RIC8B: variants seen among roughly 807,000 people sequenced by gnomAD.
RIC8B encodes the protein RIC8 guanine nucleotide exchange factor B, also known as chaperone Ric-8B.
Under a neutral mutation model 57.5 loss-of-function variants are expected in RIC8B, and 16 were observed. The ratio of observed to expected loss-of-function variants is 0.28; its 90% CI spans 0.19 to 0.42. The LOEUF (loss-of-function observed/expected upper bound fraction) is 0.42, where lower values mean the gene tolerates loss of function less well. RIC8B is among the 10% of genes least tolerant of loss of function. RIC8B has a pLI of 1.00. For synonymous variants in RIC8B, 216 were observed against 250.8 expected (o/e 0.86, Z 1.31); for missense variants, 481 against 677.0 (o/e 0.71, Z 3.21).
intron 2 of RIC8B, among the ~76,000 whole-genome samples, chr12:106,788,395 C>A (rs890140869): frequency 6.6e-6 from 1 of 152,154 alleles, no homozygotes; most frequent in Non-Finnish European, 1.5e-5. Flanking sequence ...TGGCCCTCTT[C>A]TCACAGCTCT....
At chr12:106,860,434 C>T in intron 8 of RIC8B, 22 bp downstream of exon 8, 1 of 1,507,008 alleles carries the variant, frequency 6.6e-7, no homozygotes, top group South Asian at 1.3e-5. Flanking sequence ...AATTTCTTTT[C>T]ACCTAACTAT....
intron 8 of RIC8B, among the ~76,000 whole-genome samples, chr12:106,868,723 AAG>A (rs1320009758): frequency 6.6e-6 from 1 of 150,638 alleles, no homozygotes; most frequent in Non-Finnish European, 1.5e-5. Context: ...CACCTGATAA[AAG>A]AGGAAATAGC....
chr12:106,813,403 G>C (rs2045428234), intron 2 of RIC8B, among the ~76,000 whole-genome samples: 1 of 152,004 alleles, frequency 6.6e-6, no homozygotes, highest in Non-Finnish European at 1.5e-5. Context: ...CGTTAGCCAG[G>C]ATGGTCTTGA....
At chr12:106,837,106 G>A (rs1455361908) in intron 4 of RIC8B, among the ~76,000 whole-genome samples, 3 of 152,246 alleles carry the variant, frequency 2.0e-5, no homozygotes, top group African/African-American at 7.2e-5. Flanking sequence ...GCGCACACCT[G>A]TAATCCCAGC....
intron 4 of RIC8B, among the ~76,000 whole-genome samples, chr12:106,834,466 G>C (rs1593250906): frequency 6.6e-6 from 1 of 152,114 alleles, no homozygotes; most frequent in South Asian, 2.1e-4. Flanking sequence ...GCAAATGAGT[G>C]ACCAGGAAGG....
intron 3 of RIC8B, among the ~76,000 whole-genome samples, chr12:106,822,057 G>A (rs1438426241): frequency 5.5e-5 from 6 of 109,754 alleles, no homozygotes; most frequent in African/African-American, 1.1e-4. Flanking sequence ...CAGCCTGGGC[G>A]ACAGACCGAG....
chr12:106,779,578 A>G (rs922631233), intron 1 of RIC8B, among the ~76,000 whole-genome samples: 2 of 151,798 alleles, frequency 1.3e-5, no homozygotes, highest in African/African-American at 4.8e-5. Flanking sequence ...ACGTAATACA[A>G]TGTGAATGGT....
intron 3 of RIC8B, among the ~76,000 whole-genome samples, chr12:106,818,911 C>T (rs1392441092): frequency 1.3e-5 from 2 of 152,082 alleles, no homozygotes; most frequent in Non-Finnish European, 2.9e-5. Flanking sequence ...AGATTACAGG[C>T]ATGTGCCACC....
At chr12:106,882,315 G>A (rs1387278405) in intron 9 of RIC8B, among the ~76,000 whole-genome samples, 1 of 152,148 alleles carries the variant, frequency 6.6e-6, no homozygotes, top group African/African-American at 2.4e-5. Flanking sequence ...CTACAGAGAA[G>A]GAAATTGGAA....
At chr12:106,885,302 T>G (rs1352608255) in intron 9 of RIC8B, among the ~76,000 whole-genome samples, 1 of 151,868 alleles carries the variant, frequency 6.6e-6, no homozygotes, top group Non-Finnish European at 1.5e-5. Flanking sequence ...GCAATGGTGT[T>G]TTTTAGAAAG....
At chr12:106,857,842 C>T (rs566061943) in intron 7 of RIC8B, among the ~76,000 whole-genome samples, 2 of 152,158 alleles carry the variant, frequency 1.3e-5, no homozygotes, top group African/African-American at 4.8e-5. Flanking sequence ...ATTTGTCTCA[C>T]CTTCTCTACC....
At chr12:106,832,387 G>T (rs2046389039) in intron 4 of RIC8B, among the ~76,000 whole-genome samples, 1 of 152,110 alleles carries the variant, frequency 6.6e-6, no homozygotes, top group South Asian at 2.1e-4. Context: ...GGCCAACATG[G>T]TGAAACCACG....
Position 106,784,016 on chromosome 12 carries a change from T to A in RIC8B, c.104T>A (p.Phe35Tyr), listed in dbSNP as rs1239009244. The A allele has an allele frequency of 3.1e-6, 5 of 1,613,926 alleles. No homozygotes were observed. Among genetic ancestry groups the A allele is most frequent in the Non-Finnish European group, 4.2e-6 (5 of 1,179,864 alleles). Residue 35 changes from phenylalanine to tyrosine, a missense_variant, in exon 2 of 10, where the codon TTT becomes TAT. Around this residue, in one of 3 missense-constraint regions of RIC8B, gnomAD observed 421 missense variants for 560.9 expected, o/e 0.75. Transcript: ENST00000392837. ...CCTCAGCATAGGGCTACTTTCAAATTTGAATCAACAGATGAAGATAAAAGA... is the reference window on the plus strand; with the variant it reads ...CCTCAGCATAGGGCTACTTTCAAATATGAATCAACAGATGAAGATAAAAGA... The part of the protein sequence containing the change: ...YSDKHRATFK[F>Y]ESTDEDKRKK...
intron 1 of RIC8B, among the ~76,000 whole-genome samples, chr12:106,775,694 C>G (rs1156364320): frequency 6.6e-6 from 1 of 152,192 alleles, no homozygotes; most frequent in Non-Finnish European, 1.5e-5. Context: ...TTCCAAGAAC[C>G]GTTAGCTCTT....
At chr12:106,805,539 A>G (rs182904753) in intron 2 of RIC8B, among the ~76,000 whole-genome samples, 39 of 152,230 alleles carry the variant, frequency 2.6e-4, no homozygotes, top group African/African-American at 8.9e-4. Context: ...TCCCAGTTTC[A>G]TTACCACTGC....
At chr12:106,791,258 C>T (rs956875659) in intron 2 of RIC8B, among the ~76,000 whole-genome samples, 9 of 152,172 alleles carry the variant, frequency 5.9e-5, no homozygotes, top group African/African-American at 2.2e-4. Flanking sequence ...ATGGCAGCCA[C>T]CTGTATAGTT....
intron 1 of RIC8B, among the ~76,000 whole-genome samples, chr12:106,780,972 T>C (rs1236843314): frequency 3.3e-5 from 5 of 152,230 alleles, no homozygotes; most frequent in African/African-American, 1.2e-4. Context: ...ACAGTAAGAC[T>C]GGACTCAAAC....
intron 2 of RIC8B, among the ~76,000 whole-genome samples, chr12:106,808,023 T>C (rs2045128043): frequency 6.7e-6 from 1 of 150,110 alleles, no homozygotes; most frequent in African/African-American, 2.5e-5. Flanking sequence ...AGGCGGAGGT[T>C]GCAGTGAGCT....
intron 6 of RIC8B, 107 bp from the exon 7 acceptor site, chr12:106,851,340 CCTA>C: frequency 3.7e-6 from 1 of 273,260 alleles, no homozygotes; most frequent in Non-Finnish European, 6.2e-6. Flanking sequence ...TTTTTTTGCT[CCTA>C]CAATACAAAC....
Sources: allele counts gnomAD v4.1 joint callset (sites outside exome capture counted in the v4.1 genomes callset), GRCh38; gene constraint gnomAD v4.1.1; regional missense constraint gnomAD v4.1.1; transcripts MANE v1.5; gene names NCBI Gene and HGNC (gene_info 2026-07-23, HGNC 2026-07-21).